IL27: variants seen among roughly 807,000 people sequenced by gnomAD.
IL27 encodes the protein interleukin-27 subunit alpha.
In IL27, 11 loss-of-function variants were observed where a neutral mutation model predicts 27.0. The observed-to-expected ratio is 0.41, with a 90% CI of 0.26 to 0.67. The LOEUF (loss-of-function observed/expected upper bound fraction) is 0.67. IL27 is among the 30% of genes least tolerant of loss of function. The probability of loss-of-function intolerance (pLI) is 0.34; values close to 1 mark genes in which losing one functional copy is unlikely to be tolerated. For synonymous variants in IL27, 134 were observed against 140.6 expected (o/e 0.95, Z 0.33); for missense variants, 299 against 310.4 (o/e 0.96, Z 0.28).
At chr16:28,506,585 T>C (rs1211319315) in intron 1 of IL27, among the ~76,000 whole-genome samples, 196 bp downstream of exon 1, 1 of 152,020 alleles carries the variant, frequency 6.6e-6, no homozygotes, top group Non-Finnish European at 1.5e-5. Flanking sequence ...TGCCCAGCCC[T>C]GGGTCAGACC....
chr16:28,503,970 G>T lies in IL27; in HGVS notation c.112C>A (p.Leu38Met). 6.2e-7 allele frequency: 1 copy of T among 1,614,144 alleles called. No individual in the cohort carries two copies. Among genetic ancestry groups the T allele is most frequent in the Non-Finnish European group, 8.5e-7 (1 of 1,179,984 alleles). ...GFPRPPGRPQ[L>M]SLQELRREFT... ...TCCCTCCGCAGCTCCTGCAGGCTCA[G>T]CTGGGGCCTCCCTGGGGGCCTTGGG... Residue 38 changes from leucine (L) to methionine (M), a missense_variant, in exon 2 of 5, where the codon CTG becomes ATG. By Grantham distance (15) the Leu-to-Met change is conservative. Transcript: ENST00000356897.
chr16:28,503,284 T>A (rs1030066367), intron 3 of IL27, among the ~76,000 whole-genome samples: 3 of 152,038 alleles, frequency 2.0e-5, no homozygotes, highest in Non-Finnish European at 2.9e-5. Flanking sequence ...GAGACAGGGT[T>A]TCCCTCTGTT....
chr16:28,501,330 ACACT>A (rs1376040860), intron 4 of IL27, among the ~76,000 whole-genome samples: 1 of 151,174 alleles, frequency 6.6e-6, no homozygotes, highest in Non-Finnish European at 1.5e-5. Flanking sequence ...ACCCACCCAC[ACACT>A]CCCACACTCT....
chr16:28,504,040 C>G lies in IL27; in HGVS notation c.42G>C (p.Leu14=), dbSNP rs2046448501. Residue 14 remains leucine (L), a synonymous_variant, in exon 2 of 5, where the codon CTG becomes CTC. Coordinates refer to ENST00000356897, the MANE Select transcript of IL27 (RefSeq NM_145659.3). ...GAACCAGGAGCAAGGGAAGCAGCAA[C>G]AGGCTGAGCCCTGGAGAGATGGGAA... is the stretch of plus-strand genomic sequence containing the variant. ...TAGDLGWRLS[L]LLLPLLLVQA... 1 of 1,605,398 alleles carries G rather than the reference C, an allele frequency of 6.2e-7. No individual in the cohort carries two copies. Among genetic ancestry groups the G allele is most frequent in the Non-Finnish European group, 8.5e-7 (1 of 1,175,288 alleles).
rs201036697 is a variant in IL27, at chr16:28,499,811, C to G, written c.572G>C (p.Gly191Ala). 4 of 1,598,376 alleles carry G rather than the reference C, an allele frequency of 2.5e-6. No homozygotes were observed. Among genetic ancestry groups the G allele is most frequent in the South Asian group, 2.3e-5 (2 of 88,694 alleles). The change falls in exon 5 of 5, where the codon GGC (glycine) becomes GCC (alanine). Residue 191 changes from glycine (G) to alanine (A), a missense_variant. Transcript: ENST00000356897. ...CTGGGGCCAGGACACCTGGGCCGGG[C>G]CCTGTAAGGCGCTGCCCAGTGCCCC... ...LPGALGSALQ[G>A]PAQVSWPQLL...
chr16:28,504,690 TC>T (rs557980809), intron 1 of IL27, among the ~76,000 whole-genome samples: 58 of 151,682 alleles, frequency 3.8e-4, no homozygotes, highest in African/African-American at 1.3e-3. Context: ...GCTCAAGTGA[TC>T]CTCTCGCCTC....
intron 1 of IL27, among the ~76,000 whole-genome samples, chr16:28,506,164 C>G (rs2046460012): frequency 6.6e-6 from 1 of 152,154 alleles, no homozygotes; most frequent in Admixed American, 6.6e-5. Context: ...CCTCCTTACC[C>G]TCTGCAGCTG....
In IL27 at chr16:28,503,760, G is replaced by A; in HGVS notation, c.238C>T (p.Leu80Phe). ...ESHLPGVNLY[L>F]LPLGEQLPDV... ...GGGAGCTGCTCTCCCAGGGGCAGGA[G>A]GTACAGGTTCACTCCTGGCAGGTGA... is the stretch of plus-strand genomic sequence containing the variant. The change falls in exon 3 of 5, where the codon CTC (leucine) becomes TTC (phenylalanine). Residue 80 changes from leucine (L) to phenylalanine (F), a missense_variant. Physicochemically the swap from Leu to Phe is conservative, Grantham distance 22 (BLOSUM62 0). Transcript: ENST00000356897. The A allele has an allele frequency of 6.2e-7, 1 of 1,613,854 alleles. No homozygotes were observed. The highest frequency in any genetic ancestry group is 8.5e-7 in the Non-Finnish European group (1 of 1,179,858).
intron 1 of IL27, among the ~76,000 whole-genome samples, chr16:28,506,034 G>A (rs566420795): frequency 6.6e-6 from 1 of 152,166 alleles, no homozygotes; most frequent in Admixed American, 6.6e-5. Context: ...TTAAGGCAGA[G>A]TGGGGTTCTT....
Position 28,506,142 on chromosome 16 carries a change from G to C in IL27, c.31+639C>G, listed in dbSNP as rs371540183. Among the ~76,000 whole-genome samples the C allele has an allele frequency of 5.3e-5, 8 of 152,150 alleles. No individual in the cohort carries two copies. In the East Asian group the frequency reaches 1.6e-3, roughly 29 times the overall value. ...TGCCATCTCCAACCTGACCTCTGGA[G>C]ACCCCAGACCCCCTCCTTACCCTCT... On this transcript the variant is annotated intron_variant, in intron 1 of 4. Coordinates refer to ENST00000356897, the MANE Select transcript of IL27 (RefSeq NM_145659.3).
Position 28,499,851 on chromosome 16 carries a change from T to C in IL27, c.532A>G (p.Lys178Glu). ...EEEEEEEEER[K>E]GLLPGALGSA... ...CCCAGTGCCCCTGGGAGCAGCCCCT[T>C]CCTCTCCTCCTCCTCCTCCTCCTCT... The change falls in exon 5 of 5, where the codon AAG becomes GAG. Residue 178 changes from lysine (K) to glutamate (E), a missense_variant. Coordinates refer to ENST00000356897, the MANE Select transcript of IL27 (RefSeq NM_145659.3). The C allele has an allele frequency of 6.4e-7, 1 of 1,560,588 alleles. No homozygotes were observed. The highest frequency in any genetic ancestry group is 1.2e-5 in the South Asian group (1 of 84,794).
chr16:28,503,101 C>T (rs1223344385), intron 3 of IL27, among the ~76,000 whole-genome samples: 4 of 152,022 alleles, frequency 2.6e-5, no homozygotes, highest in Admixed American at 6.6e-5. Flanking sequence ...GGATTACAGT[C>T]GTGAGCCACT....
intron 2 of IL27, 30 bp from the exon 3 acceptor site, chr16:28,503,823 A>G (rs781201552): frequency 6.2e-7 from 1 of 1,612,096 alleles, no homozygotes; most frequent in Non-Finnish European, 8.5e-7. Context: ...AGTGGGGGCC[A>G]GAAGGGATTG....
intron 1 of IL27, among the ~76,000 whole-genome samples, chr16:28,505,396 G>A (rs2046455596): frequency 6.6e-6 from 1 of 152,036 alleles, no homozygotes; most frequent in Admixed American, 6.6e-5. Context: ...CAGTGCAGTG[G>A]CGCGATCTCG....
At position 28,499,565 on chromosome 16, in the gene IL27, G is replaced by A. The variant is rs543870051; in HGVS notation, c.*86C>T. The A allele has an allele frequency of 9.0e-7, 1 of 1,114,500 alleles. No individual in the cohort carries two copies. Among genetic ancestry groups the A allele is most frequent in the African/African-American group, 1.5e-5 (1 of 64,536 alleles). The allele number at this position is 1,114,500 out of a possible 1,614,324, so 69.0% of individuals were successfully genotyped here. A position where few individuals can be genotyped will look rare whatever the true frequency, so the allele number is the denominator to read the frequency against. ...CTGGAAGAGCCCTCCCTTGTCCAAG[G>A]CTGATGATGCGAAGGCTGCCCTGAT... On this transcript the variant is annotated 3_prime_UTR_variant, in exon 5 of 5. Transcript: ENST00000356897.
intron 3 of IL27, among the ~76,000 whole-genome samples, chr16:28,502,584 T>C (rs1484636202): frequency 6.6e-6 from 1 of 151,720 alleles, no homozygotes; most frequent in African/African-American, 2.4e-5. Context: ...CTAACCCTAT[T>C]CCATTCCCTT....
At chr16:28,505,402 T>A (rs900204924) in intron 1 of IL27, among the ~76,000 whole-genome samples, 1 of 152,006 alleles carries the variant, frequency 6.6e-6, no homozygotes, top group Non-Finnish European at 1.5e-5. Flanking sequence ...AGTGGCGCGA[T>A]CTCGACTCAC....
In IL27 at chr16:28,499,647, C is replaced by T. The variant is rs528731032; in HGVS notation, c.*4G>A. The T allele has an allele frequency of 5.6e-6, 9 of 1,604,926 alleles. No homozygotes were observed. The African/African-American group carries it at 1.2e-4, about 21-fold the overall frequency. The stretch of plus-strand genomic sequence containing the variant: ...TGGGGGGCAGGGGGCTAAGAAGCCA[C>T]CGATCAGGGCTGGGGGCTCAATGTT... On this transcript the variant is annotated 3_prime_UTR_variant, in exon 5 of 5. Coordinates refer to ENST00000356897, the MANE Select transcript of IL27 (RefSeq NM_145659.3).
intron 4 of IL27, 49 bp from the exon 5 acceptor site, chr16:28,499,969 G>A (rs1213869399): frequency 6.7e-7 from 1 of 1,491,546 alleles, no homozygotes; most frequent in Non-Finnish European, 9.0e-7. Context: ...GAGAACCTGA[G>A]AGGAATCCTC....
Sources: gnomAD v4.1 joint callset for allele counts (sites outside exome capture counted in the v4.1 genomes callset) on GRCh38, gnomAD v4.1.1 for gene constraint, MANE v1.5 for transcripts, NCBI Gene and HGNC (gene_info 2026-07-23, HGNC 2026-07-21) for gene names.